Variants in CCDC148 observed in about 807,000 individuals in gnomAD.
CCDC148 encodes coiled-coil domain-containing protein 148.
A neutral mutation model predicts 85.7 loss-of-function variants in CCDC148; 89 were observed. The ratio of observed to expected loss-of-function variants is 1.04; its 90% CI spans 0.87 to 1.24. The LOEUF (loss-of-function observed/expected upper bound fraction) is 1.24, where lower values mean the gene tolerates loss of function less well. Ranked by LOEUF, CCDC148 falls within the 50% of genes most tolerant of loss-of-function variation. The pLI is 0.00. For synonymous variants in CCDC148, 230 were observed against 213.9 expected (o/e 1.08, Z -0.66); for missense variants, 692 against 671.7 (o/e 1.03, Z -0.33).
At position 158,171,730 on chromosome 2, in the gene CCDC148, A is replaced by G. The variant is rs1021647902; in HGVS notation, c.*383T>C. 1 of 153,000 alleles carries G rather than the reference A, an allele frequency of 6.5e-6. No homozygotes were observed. The highest frequency in any genetic ancestry group is 2.4e-5 in the African/African-American group (1 of 41,456). 9.5% of individuals were successfully genotyped at this position (153,000 alleles called of 1,614,324 possible). On this transcript the variant is annotated 3_prime_UTR_variant, in exon 14 of 14. Coordinates refer to ENST00000283233, the MANE Select transcript of CCDC148 (RefSeq NM_138803.4). ...TGAAGCTTCCATAATTAAAAAGTCA[A>G]ATTCTGAAATAACAAGCAGAAATGA...
intron 9 of CCDC148, among the ~76,000 whole-genome samples, chr2:158,308,849 C>G (rs551030087): frequency 1.3e-5 from 2 of 152,176 alleles, no homozygotes; most frequent in Non-Finnish European, 2.9e-5. Context: ...GAGCATTGCT[C>G]CAGTCCTCAA....
At chr2:158,204,981 A>G (rs1236856072) in intron 11 of CCDC148, among the ~76,000 whole-genome samples, 1 of 152,176 alleles carries the variant, frequency 6.6e-6, no homozygotes, top group African/African-American at 2.4e-5. Context: ...GTGAGAGATT[A>G]AAGAGCTAAG....
At chr2:158,290,064 C>T (rs1424727796) in intron 9 of CCDC148, among the ~76,000 whole-genome samples, 1 of 152,060 alleles carries the variant, frequency 6.6e-6, no homozygotes, top group Non-Finnish European at 1.5e-5. Context: ...GGAGCTACAT[C>T]AAGTATTTGA....
chr2:158,350,720 G>T (rs563199803), intron 2 of CCDC148, among the ~76,000 whole-genome samples: 6 of 152,138 alleles, frequency 3.9e-5, no homozygotes, highest in Admixed American at 1.3e-4. Context: ...TGTCACTCCT[G>T]TTTTTACCTA....
At chr2:158,437,273 T>C (rs1267225394) in intron 1 of CCDC148, among the ~76,000 whole-genome samples, 1 of 152,180 alleles carries the variant, frequency 6.6e-6, no homozygotes, top group Non-Finnish European at 1.5e-5. Context: ...AAAAAGCTTA[T>C]CCACCATGAT....
At chr2:158,273,349 G>A (rs1689782807) in intron 9 of CCDC148, among the ~76,000 whole-genome samples, 1 of 152,110 alleles carries the variant, frequency 6.6e-6, no homozygotes, top group Non-Finnish European at 1.5e-5. Flanking sequence ...ATTTCTTTGA[G>A]CAGTGATTAC....
At chr2:158,318,435 A>T (rs1470304424) in intron 7 of CCDC148, among the ~76,000 whole-genome samples, 2 of 152,204 alleles carry the variant, frequency 1.3e-5, no homozygotes, top group Non-Finnish European at 1.5e-5. Flanking sequence ...ACTTGTGCCA[A>T]ATTCCAAAGC....
intron 1 of CCDC148, among the ~76,000 whole-genome samples, chr2:158,371,723 C>CATATAT (rs57355662): frequency 4.8e-4 from 73 of 150,722 alleles, no homozygotes; most frequent in Non-Finnish European, 9.5e-4. Flanking sequence ...GGCATGTATA[C>CATATAT]ATATATATAT....
chr2:158,373,850 G>T (rs1009724938), intron 1 of CCDC148, among the ~76,000 whole-genome samples: 3 of 151,884 alleles, frequency 2.0e-5, no homozygotes, highest in African/African-American at 7.3e-5. Flanking sequence ...TAACTTTCCT[G>T]TTGTTCACGT....
Position 158,268,248 on chromosome 2 carries a change from T to C in CCDC148, c.1111-17336A>G, listed in dbSNP as rs1373646838. ...TGTGCTTCTTCACTAGCACGTGATA[T>C]TGTCAGAGTTTGGAGGGCTAGTTTT... On this transcript the variant is annotated intron_variant, in intron 9 of 13. Coordinates refer to ENST00000283233, the MANE Select transcript of CCDC148 (RefSeq NM_138803.4). Among the ~76,000 whole-genome samples, 4 of 152,134 alleles carry C rather than the reference T, an allele frequency of 2.6e-5. No homozygotes were observed. In the South Asian group the frequency reaches 6.2e-4, roughly 24 times the overall value.
At position 158,340,406 on chromosome 2, in the gene CCDC148, A is replaced by G. The variant is rs768758731; in HGVS notation, c.335-13T>C. 2 of 1,611,558 alleles carry G rather than the reference A, an allele frequency of 1.2e-6. No homozygotes were observed. The highest frequency in any genetic ancestry group is 1.7e-5 in the Admixed American group (1 of 59,616). ...GATAGCTCTTGCTCTATGGTGAAAC[A>G]AAATTGAATTAAAGGAACACATTAT... On this transcript the variant is annotated splice_polypyrimidine_tract_variant and intron_variant, in intron 4 of 13. Coordinates refer to ENST00000283233, the MANE Select transcript of CCDC148 (RefSeq NM_138803.4).
At chr2:158,394,769 A>G (rs1685454511) in intron 1 of CCDC148, among the ~76,000 whole-genome samples, 1 of 152,008 alleles carries the variant, frequency 6.6e-6, no homozygotes, top group Non-Finnish European at 1.5e-5. Context: ...GTAATCACAG[A>G]TGCTAACTCA....
chr2:158,392,808 A>G (rs1398702865), intron 1 of CCDC148, among the ~76,000 whole-genome samples: 2 of 152,102 alleles, frequency 1.3e-5, no homozygotes, highest in South Asian at 2.1e-4. Context: ...TAAATCTTCT[A>G]TAAGATGTTA....
At chr2:158,205,759 T>C (rs957975249) in intron 11 of CCDC148, among the ~76,000 whole-genome samples, 1 of 152,186 alleles carries the variant, frequency 6.6e-6, no homozygotes, top group Admixed American at 6.5e-5. Context: ...GCTAACAGTA[T>C]GAACACAGGT....
At chr2:158,193,012 T>A (rs772066641) in intron 11 of CCDC148, among the ~76,000 whole-genome samples, 2 of 152,086 alleles carry the variant, frequency 1.3e-5, no homozygotes, top group Non-Finnish European at 2.9e-5. Flanking sequence ...ATCTTTATTA[T>A]CCTTTCCCAG....
At chr2:158,358,718 A>C in intron 1 of CCDC148, 148 bp from the exon 2 acceptor site, 1 of 351,978 alleles carries the variant, frequency 2.8e-6, no homozygotes, top group Non-Finnish European at 4.7e-6. Flanking sequence ...AATATTAATA[A>C]TATATTTGAG....
intron 11 of CCDC148, among the ~76,000 whole-genome samples, chr2:158,215,267 T>C (rs1686788343): frequency 6.6e-6 from 1 of 152,206 alleles, no homozygotes; most frequent in South Asian, 2.1e-4. Flanking sequence ...TCCAGATGGC[T>C]ACAGAACTAA....
chr2:158,354,641 C>A (rs950653135), intron 2 of CCDC148, among the ~76,000 whole-genome samples: 1 of 152,068 alleles, frequency 6.6e-6, no homozygotes, highest in South Asian at 2.1e-4. Context: ...CTGAATTCTA[C>A]CAGAGGTACA....
Position 158,259,694 on chromosome 2 carries a change from T to C in CCDC148, c.1111-8782A>G, listed in dbSNP as rs75877224. ...CTATTTATTTATTCATTTATTTGTA[T>C]ACCACCTTGTCCAAAAGGAAGACTC... is the stretch of plus-strand genomic sequence containing the variant. On this transcript the variant is annotated intron_variant, in intron 9 of 13. Transcript: ENST00000283233. Among the ~76,000 whole-genome samples, 4 of 152,096 alleles carry C rather than the reference T, an allele frequency of 2.6e-5. No individual in the cohort carries two copies. The East Asian group carries it at 7.7e-4, about 29-fold the overall frequency.
Sources: allele counts gnomAD v4.1 joint callset (sites outside exome capture counted in the v4.1 genomes callset), GRCh38; gene constraint gnomAD v4.1.1; transcripts MANE v1.5; gene names NCBI Gene and HGNC (gene_info 2026-07-23, HGNC 2026-07-21).